DHX9: variants seen among roughly 807,000 people sequenced by gnomAD.
The protein encoded by DHX9 is DExH-box helicase 9, also known as ATP-dependent RNA helicase A.
DHX9 carries 27 observed loss-of-function variants against 148.7 expected under a neutral mutation model. That is an observed-to-expected ratio of 0.18 (90% CI 0.13 to 0.25). DHX9 has a LOEUF of 0.25. Among genes scored for constraint, DHX9 ranks in the 10% least tolerant of loss-of-function variants. The pLI, the probability that DHX9 is intolerant of heterozygous loss-of-function variation, is 1.00. For missense variants in DHX9, 796 were observed against 1,559.6 expected, an observed-to-expected ratio of 0.51 and a Z score of 8.25; for synonymous variants, 529 against 516.6, an observed-to-expected ratio of 1.02 and a Z score of -0.33.
rs750793521 is a variant in DHX9 at position 182,858,571 on chromosome 1, C to G, written c.831C>G (p.Asn277Lys). 19 of 1,610,250 alleles carry G rather than the reference C, an allele frequency of 1.2e-5. No homozygotes were observed. In the South Asian group the frequency reaches 1.5e-4, roughly 13 times the overall value. ...CATAGGTGGAGCCTTACAAAGTAAA[C>G]CTCTCTCAAGATTTAGAGCATCAGC... ...EGETVEPYKV[N>K]LSQDLEHQLQ... Residue 277 changes from asparagine (N) to lysine (K), a missense_variant, in exon 9 of 28, where the codon AAC becomes AAG. This residue lies in a region of DHX9 where 63 missense variants were observed against 78.6 expected (regional missense o/e 0.80). Coordinates refer to ENST00000367549, the MANE Select transcript of DHX9 (RefSeq NM_001357.5).
intron 5 of DHX9, 74 bp from the exon 6 acceptor site, chr1:182,853,956 T>C: frequency 1.5e-6 from 2 of 1,337,644 alleles, no homozygotes; most frequent in Non-Finnish European, 2.1e-6. Context: ...ACAAAGACAG[T>C]ATTAAAAATT....
intron 11 of DHX9, 141 bp from the exon 12 acceptor site, chr1:182,859,852 C>A: frequency 2.9e-6 from 2 of 687,576 alleles, no homozygotes; most frequent in Non-Finnish European, 4.8e-6. Flanking sequence ...ACCTCATGAT[C>A]CTCAGCCTCC....
chr1:182,849,419 AT>A (rs1668091600), intron 3 of DHX9, among the ~76,000 whole-genome samples: 1 of 152,234 alleles, frequency 6.6e-6, no homozygotes, highest in Admixed American at 6.5e-5. Context: ...TAAAAAAAGT[AT>A]TATAATCAAA....
In DHX9 at chr1:182,866,481, T is replaced by C. The variant is rs1298128945; in HGVS notation, c.1370T>C (p.Val457Ala). 2 of 1,614,178 alleles carry C rather than the reference T, an allele frequency of 1.2e-6. No homozygotes were observed. The highest frequency in any genetic ancestry group is 8.5e-7 in the Non-Finnish European group (1 of 1,180,026). ...AGTGCGGTTTCTGTGGCAGAGCGAG[T>C]TGCATTTGAAAGAGGAGAAGAGCCT... ...RISAVSVAER[V>A]AFERGEEPGK... Residue 457 changes from valine to alanine, a missense_variant, in exon 13 of 28, where the codon GTT (valine) becomes GCT (alanine). This residue lies in a region of DHX9 where 58 missense variants were observed against 122.8 expected (regional missense o/e 0.47). Transcript: ENST00000367549.
intron 12 of DHX9, among the ~76,000 whole-genome samples, chr1:182,865,718 A>G (rs1361534328): frequency 6.6e-6 from 1 of 152,224 alleles, no homozygotes; most frequent in Non-Finnish European, 1.5e-5. Flanking sequence ...AAGGCACCTT[A>G]AAAGCATGCA....
At chr1:182,880,273 A>G (rs1191020072) in intron 21 of DHX9, among the ~76,000 whole-genome samples, 1 of 152,186 alleles carries the variant, frequency 6.6e-6, no homozygotes, top group Non-Finnish European at 1.5e-5. Context: ...ATTTGTTTTT[A>G]TAACCTACAG....
intron 16 of DHX9, among the ~76,000 whole-genome samples, chr1:182,875,788 G>T (rs1648735845): frequency 6.6e-6 from 1 of 152,158 alleles, no homozygotes; most frequent in Non-Finnish European, 1.5e-5. Flanking sequence ...AAGGCTCCAT[G>T]AGAGTTTTGA....
chr1:182,879,048 G>T (rs893069705), intron 20 of DHX9, among the ~76,000 whole-genome samples: 4 of 152,176 alleles, frequency 2.6e-5, no homozygotes, highest in Admixed American at 2.6e-4. Flanking sequence ...CAAGCTGTGA[G>T]GATAAGTCAG....
chr1:182,880,784 A>G (rs1009069312), intron 22 of DHX9, among the ~76,000 whole-genome samples, 176 bp downstream of exon 22: 5 of 152,184 alleles, frequency 3.3e-5, no homozygotes, highest in African/African-American at 1.2e-4. Flanking sequence ...GAACAGTTCC[A>G]GTAGGTGGAT....
intron 12 of DHX9, among the ~76,000 whole-genome samples, chr1:182,863,911 G>C (rs986360579): frequency 6.6e-6 from 1 of 151,942 alleles, no homozygotes; most frequent in African/African-American, 2.4e-5. Flanking sequence ...GGTGGCTCAC[G>C]CCTGTAATTA....
chr1:182,851,113 T>A (rs6677418), intron 3 of DHX9, among the ~76,000 whole-genome samples: 14,555 of 152,154 alleles, frequency 0.096, 1,040 homozygotes, highest in African/African-American at 0.19. Flanking sequence ...CTTGAATAGG[T>A]TCTACTTTGT....
intron 21 of DHX9, 32 bp downstream of exon 21, chr1:182,879,442 A>T (rs753264489): frequency 1.4e-6 from 2 of 1,404,282 alleles, no homozygotes; most frequent in Non-Finnish European, 1.9e-6. Flanking sequence ...CTTGACGCAG[A>T]TATTAATCAT....
intron 24 of DHX9, 142 bp from the exon 25 acceptor site, chr1:182,882,997 C>G: frequency 1.8e-6 from 1 of 545,438 alleles, no homozygotes. Flanking sequence ...TGTAAGGATT[C>G]TGAGAAGAGA....
intron 26 of DHX9, 43 bp from the exon 27 acceptor site, chr1:182,884,570 C>T (rs1039200687): frequency 1.9e-6 from 3 of 1,548,830 alleles, no homozygotes; most frequent in African/African-American, 2.7e-5. Context: ...TCTTTTTCTA[C>T]ATATACTCCC....
At chr1:182,882,340 C>G (rs1018839265) in intron 24 of DHX9, among the ~76,000 whole-genome samples, 1 of 152,122 alleles carries the variant, frequency 6.6e-6, no homozygotes, top group African/African-American at 2.4e-5. Flanking sequence ...TTGTCTAGAA[C>G]AAAATATGTC....
At chr1:182,849,582 A>G (rs1037733943) in intron 3 of DHX9, among the ~76,000 whole-genome samples, 4 of 152,212 alleles carry the variant, frequency 2.6e-5, no homozygotes, top group Admixed American at 1.3e-4. Context: ...GTTAAAAACT[A>G]TGGTATTCAG....
intron 19 of DHX9, 72 bp from the exon 20 acceptor site, chr1:182,877,949 C>T (rs1648890896): frequency 1.3e-6 from 2 of 1,539,146 alleles, no homozygotes; most frequent in African/African-American, 1.4e-5. Context: ...AAAGCATTCA[C>T]TACTTAGTGG....
intron 6 of DHX9, among the ~76,000 whole-genome samples, chr1:182,854,578 T>C (rs1042348612): frequency 4.6e-5 from 7 of 151,690 alleles, no homozygotes; most frequent in Non-Finnish European, 8.9e-5. Context: ...GGTTAGATAC[T>C]TAAGCTTTGA....
At chr1:182,844,445 C>T (rs1168488677) in intron 3 of DHX9, among the ~76,000 whole-genome samples, 4 of 152,186 alleles carry the variant, frequency 2.6e-5, no homozygotes, top group African/African-American at 2.4e-5. Context: ...GGCCTCAAGC[C>T]ATCCTCCCAC....
Sources: allele counts gnomAD v4.1 joint callset (sites outside exome capture counted in the v4.1 genomes callset), GRCh38; gene constraint gnomAD v4.1.1; regional missense constraint gnomAD v4.1.1; transcripts MANE v1.5; gene names NCBI Gene and HGNC (gene_info 2026-07-23, HGNC 2026-07-21).